The following QRSL1 variants were observed in gnomAD, a reference collection of about 807,000 sequenced individuals.
QRSL1 encodes the protein glutaminyl-tRNA amidotransferase subunit QRSL1.
Under a neutral mutation model 61.6 loss-of-function variants are expected in QRSL1, and 54 were observed. The ratio of observed to expected loss-of-function variants is 0.88; its 90% CI spans 0.70 to 1.10. The LOEUF (loss-of-function observed/expected upper bound fraction) is 1.10. QRSL1 is among the 50% of genes least tolerant of loss of function. The probability of loss-of-function intolerance (pLI) is 0.00; values close to 1 mark genes in which losing one functional copy is unlikely to be tolerated. For missense variants in QRSL1, 505 were observed against 622.6 expected (o/e 0.81, Z 2.01); for synonymous variants, 228 against 225.7 (o/e 1.01, Z -0.09).
intron 1 of QRSL1, among the ~76,000 whole-genome samples, chr6:106,630,275 C>G (rs900155929): frequency 6.6e-6 from 1 of 152,134 alleles, no homozygotes. Context: ...CACATAAGCA[C>G]CCTCAAATTC....
chr6:106,651,844 C>T (rs1040422723), intron 5 of QRSL1, among the ~76,000 whole-genome samples: 3 of 151,690 alleles, frequency 2.0e-5, no homozygotes, highest in Admixed American at 6.6e-5. Flanking sequence ...CCAGGAATCA[C>T]GAATTTATAT....
intron 9 of QRSL1, among the ~76,000 whole-genome samples, chr6:106,658,056 A>G (rs912624120): frequency 3.9e-5 from 6 of 152,192 alleles, no homozygotes; most frequent in Non-Finnish European, 8.8e-5. Context: ...ACACATTTAT[A>G]TCTACCTTTT....
chr6:106,640,750 G>T (rs894066720), intron 2 of QRSL1, 73 bp from the exon 3 acceptor site: 1 of 1,308,542 alleles, frequency 7.6e-7, no homozygotes, highest in Non-Finnish European at 1.1e-6. Context: ...AGTAGTTACT[G>T]TAATAACATG....
At chr6:106,661,209 C>G (rs1460612406) in intron 9 of QRSL1, among the ~76,000 whole-genome samples, 1 of 151,996 alleles carries the variant, frequency 6.6e-6, no homozygotes, top group Non-Finnish European at 1.5e-5. Context: ...CTCCTGGGTT[C>G]AAGAGATTCT....
At chr6:106,645,981 GA>G (rs1024688122) in intron 4 of QRSL1, among the ~76,000 whole-genome samples, 2 of 152,168 alleles carry the variant, frequency 1.3e-5, no homozygotes, top group Non-Finnish European at 2.9e-5. Flanking sequence ...ATGTTGAATA[GA>G]AGTGGTGAGA....
chr6:106,633,731 A>G (rs1776873831), intron 1 of QRSL1, among the ~76,000 whole-genome samples: 1 of 152,172 alleles, frequency 6.6e-6, no homozygotes, highest in Non-Finnish European at 1.5e-5. Flanking sequence ...AAAGAATGAT[A>G]TATTCATTTG....
Position 106,635,701 on chromosome 6 carries a change from C to T in QRSL1, c.25-4648C>T, listed in dbSNP as rs951856956. ...CAGCCTGACCAACATGGTGAAACCC[C>T]GTCTCTACTAAAAATACAAAAATTA... On this transcript the variant is annotated intron_variant, in intron 1 of 10. Transcript: ENST00000369046. 2.5e-4 allele frequency among the ~76,000 whole-genome samples: 38 copies of T among 152,014 alleles called. 1 individual carries two copies. The highest frequency in any genetic ancestry group is 4.3e-4 in the Non-Finnish European group (29 of 68,014).
At chr6:106,648,841 C>T (rs544736139) in intron 4 of QRSL1, among the ~76,000 whole-genome samples, 184 bp from the exon 5 acceptor site, 1 of 152,328 alleles carries the variant, frequency 6.6e-6, no homozygotes, top group Admixed American at 6.5e-5. Flanking sequence ...TCTTCCTTCC[C>T]ATCCTCCGCA....
chr6:106,647,121 G>T (rs1044999172), intron 4 of QRSL1, among the ~76,000 whole-genome samples: 1 of 150,234 alleles, frequency 6.7e-6, no homozygotes, highest in Non-Finnish European at 1.5e-5. Context: ...AAGTGAAAAC[G>T]CAAGCCACAG....
Position 106,639,116 on chromosome 6 carries a change from G to GTTTTTTTTTTTTTT in QRSL1, c.25-1231_25-1230insTTTTTTTTTTTTTT, listed in dbSNP as rs1554200732. On this transcript the variant is annotated intron_variant, in intron 1 of 10. Transcript: ENST00000369046. ...ACTTGTGTGGTTATTTGTGTGTTTT[G>GTTTTTTTTTTTTTT]TTGTTTTTTTTTTTTTTTTTTTTTT... Among the ~76,000 whole-genome samples the GTTTTTTTTTTTTTT allele has an allele frequency of 2.0e-3, 108 of 54,324 alleles. 10 individuals are homozygous for GTTTTTTTTTTTTTT. The highest frequency in any genetic ancestry group is 0.012 in the East Asian group (29 of 2,514). The allele number at this position is 54,324 out of a possible 152,430, so 35.6% of individuals were successfully genotyped here.
In QRSL1 at chr6:106,640,516, G is replaced by A; in HGVS notation, c.184+8G>A. The A allele has an allele frequency of 6.5e-7, 1 of 1,545,180 alleles. No individual in the cohort carries two copies. The highest frequency in any genetic ancestry group is 8.7e-7 in the Non-Finnish European group (1 of 1,148,940). On this transcript the variant is annotated splice_region_variant and intron_variant, in intron 2 of 10. Coordinates refer to ENST00000369046, the MANE Select transcript of QRSL1 (RefSeq NM_018292.5). ...AAAAGAGATATAAGAATGGTAAATT[G>A]CTTTTAACTATACTTAATTGTTATA...
At chr6:106,655,809 A>AAGG (rs1231601561) in intron 9 of QRSL1, 77 bp downstream of exon 9, 1 of 916,114 alleles carries the variant, frequency 1.1e-6, no homozygotes, top group Non-Finnish European at 1.7e-6. Flanking sequence ...CTTATAAGTC[A>AAGG]AGGTATTTAG....
chr6:106,629,825 T>C (rs1030013523), intron 1 of QRSL1, 120 bp downstream of exon 1: 2 of 1,217,052 alleles, frequency 1.6e-6, no homozygotes, highest in African/African-American at 1.5e-5. Context: ...CCTCTAGAAC[T>C]GAGTGGGGGA....
Position 106,667,267 on chromosome 6 carries a change from A to G in QRSL1, c.*1265A>G, listed in dbSNP as rs939146740. On this transcript the variant is annotated 3_prime_UTR_variant, in exon 11 of 11. Transcript: ENST00000369046. ...CCTTACCCCAGATTCTCTATATCTCATGGTTTCCTTTTCCTCTTGACTGTC... is the reference window on the plus strand; with the variant it reads ...CCTTACCCCAGATTCTCTATATCTCGTGGTTTCCTTTTCCTCTTGACTGTC... 6.6e-6 allele frequency: 1 copy of G among 152,166 alleles called. No individual in the cohort carries two copies. The highest frequency in any genetic ancestry group is 2.4e-5 in the African/African-American group (1 of 41,452). The allele number at this position is 152,166 out of a possible 1,614,324, so 9.4% of individuals were successfully genotyped here.
intron 6 of QRSL1, 37 bp from the exon 7 acceptor site, chr6:106,652,430 C>T (rs749380189): frequency 1.2e-6 from 2 of 1,613,486 alleles, no homozygotes; most frequent in South Asian, 1.1e-5. Context: ...CTCTATAAAA[C>T]AATATATCTG....
At chr6:106,651,451 T>A (rs954262170) in intron 5 of QRSL1, among the ~76,000 whole-genome samples, 7 of 152,186 alleles carry the variant, frequency 4.6e-5, no homozygotes, top group African/African-American at 1.7e-4. Flanking sequence ...ACTAGGGATA[T>A]AAATTGGCAT....
At chr6:106,630,627 T>C in intron 1 of QRSL1, among the ~76,000 whole-genome samples, 1 of 152,184 alleles carries the variant, frequency 6.6e-6, no homozygotes, top group South Asian at 2.1e-4. Flanking sequence ...AAACTAAAAC[T>C]ATGCCCCACT....
intron 5 of QRSL1, among the ~76,000 whole-genome samples, chr6:106,650,917 C>G (rs950626553): frequency 6.6e-6 from 1 of 152,170 alleles, no homozygotes; most frequent in African/African-American, 2.4e-5. Flanking sequence ...AGCACAACTT[C>G]TGTTTTCCTG....
At chr6:106,635,669 T>TC (rs1440563189) in intron 1 of QRSL1, among the ~76,000 whole-genome samples, 2 of 152,046 alleles carry the variant, frequency 1.3e-5, no homozygotes, top group East Asian at 3.8e-4. Context: ...GGTCAGGAGT[T>TC]CAAGACCAGC....
Sources: gnomAD v4.1 joint callset for allele counts (sites outside exome capture counted in the v4.1 genomes callset) on GRCh38, gnomAD v4.1.1 for gene constraint, MANE v1.5 for transcripts, NCBI Gene and HGNC (gene_info 2026-07-23, HGNC 2026-07-21) for gene names.